The following ADGRB3 variants were observed in gnomAD, a reference collection of about 807,000 sequenced individuals.
ADGRB3 encodes brain-specific angiogenesis inhibitor 3.
In ADGRB3, 37 loss-of-function variants were observed where a neutral mutation model predicts 193.4. The observed-to-expected ratio is 0.19, with a 90% CI of 0.15 to 0.25. ADGRB3 has a LOEUF of 0.25. Ranked by LOEUF, ADGRB3 falls within the 10% of genes least tolerant of loss-of-function variation. The pLI is 1.00. For missense variants in ADGRB3, 1,637 were observed against 1,852.9 expected (o/e 0.88, Z 2.14); for synonymous variants, 690 against 644.2 (o/e 1.07, Z -1.08).
intron 3 of ADGRB3, among the ~76,000 whole-genome samples, chr6:68,921,693 G>C (rs564494151): frequency 2.6e-4 from 40 of 151,630 alleles, no homozygotes; most frequent in African/African-American, 9.2e-4. Context: ...ATATCTTCTT[G>C]GGCAGTTTTA....
chr6:69,095,700 GACAAAGT>G (rs922004879), intron 17 of ADGRB3, among the ~76,000 whole-genome samples: 2 of 152,118 alleles, frequency 1.3e-5, no homozygotes, highest in African/African-American at 4.8e-5. Context: ...GACATTAAGT[GACAAAGT>G]AATCACAAAG....
intron 11 of ADGRB3, among the ~76,000 whole-genome samples, chr6:69,004,560 C>T (rs1250329709): frequency 8.2e-6 from 1 of 122,298 alleles, no homozygotes; most frequent in Non-Finnish European, 1.7e-5. Flanking sequence ...CTATCCCTCC[C>T]CCCTCCCCCG....
At chr6:68,974,001 C>G (rs1037090001) in intron 8 of ADGRB3, among the ~76,000 whole-genome samples, 1 of 152,020 alleles carries the variant, frequency 6.6e-6, no homozygotes, top group Admixed American at 6.5e-5. Context: ...ACAAAAAGAT[C>G]AAATTGGTAT....
In ADGRB3 at chr6:68,959,798, A is replaced by G. The variant is rs985353332; in HGVS notation, c.1525+2989A>G. On this transcript the variant is annotated intron_variant, in intron 8 of 31. Coordinates refer to ENST00000370598, the MANE Select transcript of ADGRB3 (RefSeq NM_001704.3). ...TTTTAAAAATAATGCTAGTTGGGCT[A>G]TAGAATAGCTACAGGGAAGATAATA... 1.1e-4 allele frequency among the ~76,000 whole-genome samples: 17 copies of G among 152,314 alleles called. No individual in the cohort carries two copies. The East Asian group carries it at 3.3e-3, about 29-fold the overall frequency.
rs117410115 is a variant in ADGRB3, at chr6:68,650,405, A to G, written c.757+10973A>G. Among the ~76,000 whole-genome samples, 393 of 152,200 alleles carry G rather than the reference A, an allele frequency of 2.6e-3. 1 individual carries two copies. Among genetic ancestry groups the G allele is most frequent in the Non-Finnish European group, 4.9e-3 (335 of 67,994 alleles). On this transcript the variant is annotated intron_variant, in intron 3 of 31. Transcript: ENST00000370598. The stretch of plus-strand genomic sequence containing the variant: ...ACACATACGTTCATATACATCATAC[A>G]TAATATTTATTTTCAGTATTGATGA...
At chr6:68,922,499 G>T (rs17476556) in intron 3 of ADGRB3, among the ~76,000 whole-genome samples, 26,052 of 152,218 alleles carry the variant, frequency 0.17, 2,399 homozygotes, top group Middle Eastern at 0.22. Context: ...ACTCAGACTC[G>T]TGCATGTGCA....
rs192927500 is a variant in ADGRB3, at chr6:68,860,516, T to A, written c.758-70043T>A. Reference sequence around the variant, plus strand: ...ATTTCCTGTTTCTGAATTATTTCACTTAGGATAATGGCCTCCCACTCCATC... The same window carrying A: ...ATTTCCTGTTTCTGAATTATTTCACATAGGATAATGGCCTCCCACTCCATC... On this transcript the variant is annotated intron_variant, in intron 3 of 31. Transcript: ENST00000370598. Among the ~76,000 whole-genome samples, 85 of 152,266 alleles carry A rather than the reference T, an allele frequency of 5.6e-4. No homozygotes were observed. The Middle Eastern group carries it at 0.01, about 18-fold the overall frequency.
chr6:68,766,565 C>CCTAGATGAGGCTATTTTGAATAT (rs1766510959), intron 3 of ADGRB3, among the ~76,000 whole-genome samples: 1 of 151,844 alleles, frequency 6.6e-6, no homozygotes, highest in African/African-American at 2.4e-5. Context: ...GCTAAGACTT[C>CCTAGATGAGGCTATTTTGAATAT]CTAGATGAGG....
chr6:69,141,129 G>A (rs546149730), intron 17 of ADGRB3, among the ~76,000 whole-genome samples: 2 of 86,760 alleles, frequency 2.3e-5, no homozygotes, highest in African/African-American at 6.6e-5. Context: ...CTTTTTTTTT[G>A]GGGGGGGCGG....
At chr6:68,994,435 A>G (rs1769328366) in intron 11 of ADGRB3, among the ~76,000 whole-genome samples, 1 of 152,246 alleles carries the variant, frequency 6.6e-6, no homozygotes. Context: ...TTCCCTGAAA[A>G]TATAAGGCAA....
rs528338518 is a variant in ADGRB3, at chr6:69,204,589, A to G, written c.2481-28701A>G. On this transcript the variant is annotated intron_variant, in intron 17 of 31. Transcript: ENST00000370598. ...TGGTATGTTTAGTTTTCATCCCTCC[A>G]CTCTTTCCAATACCATCATTTGAAA... Among the ~76,000 whole-genome samples, 122 of 151,918 alleles carry G rather than the reference A, an allele frequency of 8.0e-4. 1 individual carries two copies. Among genetic ancestry groups the G allele is most frequent in the African/African-American group, 2.7e-3 (111 of 41,424 alleles).
At chr6:69,308,373 G>A (rs767143006) in intron 20 of ADGRB3, among the ~76,000 whole-genome samples, 3 of 151,470 alleles carry the variant, frequency 2.0e-5, no homozygotes, top group East Asian at 1.9e-4. Context: ...TTATTGCTAA[G>A]TTAAGGGAGA....
intron 17 of ADGRB3, among the ~76,000 whole-genome samples, chr6:69,167,201 T>G (rs1174339491): frequency 1.3e-5 from 2 of 152,112 alleles, no homozygotes; most frequent in Non-Finnish European, 2.9e-5. Flanking sequence ...TATAGATAAT[T>G]GTGTTTGTAG....
intron 17 of ADGRB3, among the ~76,000 whole-genome samples, chr6:69,211,484 A>G (rs1471858173): frequency 1.3e-5 from 2 of 152,186 alleles, no homozygotes; most frequent in Non-Finnish European, 2.9e-5. Context: ...CATCTAAAAA[A>G]GTTCCTGTAT....
intron 13 of ADGRB3, among the ~76,000 whole-genome samples, chr6:69,020,360 T>C (rs1438341652): frequency 6.6e-6 from 1 of 152,076 alleles, no homozygotes; most frequent in Non-Finnish European, 1.5e-5. Context: ...CGTATCACAT[T>C]CTCTATAGCT....
intron 17 of ADGRB3, among the ~76,000 whole-genome samples, chr6:69,169,553 T>C (rs1025519133): frequency 2.7e-5 from 4 of 149,980 alleles, no homozygotes; most frequent in Non-Finnish European, 4.4e-5. Context: ...TAAGCACGAA[T>C]TGTGATTAAA....
intron 3 of ADGRB3, among the ~76,000 whole-genome samples, chr6:68,660,918 T>G (rs1003099897): frequency 1.3e-5 from 2 of 150,922 alleles, no homozygotes; most frequent in Admixed American, 1.3e-4. Context: ...TGTCAGAAAA[T>G]CATGATTCTT....
intron 19 of ADGRB3, among the ~76,000 whole-genome samples, chr6:69,238,821 A>T (rs1048105412): frequency 1.5e-4 from 22 of 151,576 alleles, no homozygotes; most frequent in Non-Finnish European, 2.9e-4. Flanking sequence ...ATGTTTAGTT[A>T]AAAAAAAGTG....
intron 3 of ADGRB3, among the ~76,000 whole-genome samples, chr6:68,838,265 G>C (rs942543207): frequency 1.3e-5 from 2 of 152,122 alleles, no homozygotes; most frequent in Admixed American, 1.3e-4. Flanking sequence ...ACAGATCAGA[G>C]GGACACCCAA....
Sources: allele counts gnomAD v4.1 joint callset (sites outside exome capture counted in the v4.1 genomes callset), GRCh38; gene constraint gnomAD v4.1.1; transcripts MANE v1.5; gene names NCBI Gene and HGNC (gene_info 2026-07-23, HGNC 2026-07-21).